Variants in CDKAL1 observed in about 807,000 individuals in gnomAD.
The protein encoded by CDKAL1 is CDKAL1 threonylcarbamoyladenosine tRNA methylthiotransferase.
A neutral mutation model predicts 68.2 loss-of-function variants in CDKAL1; 32 were observed. That is an observed-to-expected ratio of 0.47 (90% CI 0.35 to 0.63). The LOEUF (loss-of-function observed/expected upper bound fraction) is 0.63. CDKAL1 is among the 30% of genes least tolerant of loss of function. CDKAL1 has a pLI of 0.00. For missense variants in CDKAL1, 606 were observed against 696.7 expected (o/e 0.87, Z 1.47); for synonymous variants, 234 against 244.3 (o/e 0.96, Z 0.39).
intron 8 of CDKAL1, among the ~76,000 whole-genome samples, chr6:20,835,010 A>G (rs1268373985): frequency 6.6e-6 from 1 of 152,230 alleles, no homozygotes; most frequent in East Asian, 1.9e-4. Context: ...AAAAAGCCAG[A>G]CAAAAAGAGT....
chr6:20,618,433 C>G (rs958397007), intron 4 of CDKAL1, among the ~76,000 whole-genome samples: 24 of 152,156 alleles, frequency 1.6e-4, no homozygotes, highest in African/African-American at 5.3e-4. Flanking sequence ...TCCCATTTGT[C>G]AATTTTGGCT....
chr6:21,169,755 A>G (rs936781634), intron 13 of CDKAL1, among the ~76,000 whole-genome samples: 5 of 152,218 alleles, frequency 3.3e-5, no homozygotes, highest in African/African-American at 1.2e-4. Flanking sequence ...TCGACTTACA[A>G]TTCCACATGG....
At chr6:20,757,798 T>C (rs1430113922) in intron 6 of CDKAL1, among the ~76,000 whole-genome samples, 1 of 152,226 alleles carries the variant, frequency 6.6e-6, no homozygotes, top group Non-Finnish European at 1.5e-5. Flanking sequence ...AAAACAACGG[T>C]AATTTAAGGA....
At chr6:21,150,019 G>A (rs1026642535) in intron 13 of CDKAL1, among the ~76,000 whole-genome samples, 7 of 151,944 alleles carry the variant, frequency 4.6e-5, no homozygotes, top group South Asian at 2.1e-4. Flanking sequence ...CACCACACCC[G>A]GCTAATTTTT....
intron 9 of CDKAL1, among the ~76,000 whole-genome samples, chr6:20,915,567 T>C (rs1762686479): frequency 6.6e-6 from 1 of 152,198 alleles, no homozygotes; most frequent in Non-Finnish European, 1.5e-5. Flanking sequence ...GTTAATAACA[T>C]ACAAAAAATT....
intron 9 of CDKAL1, among the ~76,000 whole-genome samples, chr6:20,889,326 A>G (rs140366399): frequency 0.11 from 16,414 of 151,908 alleles, 972 homozygotes; most frequent in African/African-American, 0.14. Flanking sequence ...TAGGTTGCCT[A>G]TTCACTCTGA....
At chr6:20,807,404 G>A (rs555851320) in intron 8 of CDKAL1, among the ~76,000 whole-genome samples, 2 of 152,026 alleles carry the variant, frequency 1.3e-5, no homozygotes, top group South Asian at 4.2e-4. Context: ...TCGTATTTTT[G>A]TAGAGATGGG....
At chr6:20,686,091 T>G (rs1430171700) in intron 5 of CDKAL1, among the ~76,000 whole-genome samples, 1 of 152,140 alleles carries the variant, frequency 6.6e-6, no homozygotes, top group Non-Finnish European at 1.5e-5. Flanking sequence ...AAGGTTTTTT[T>G]TTTTTTTGCC....
intron 9 of CDKAL1, among the ~76,000 whole-genome samples, chr6:20,917,294 T>G (rs2150639629): frequency 6.6e-6 from 1 of 152,260 alleles, no homozygotes; most frequent in South Asian, 2.1e-4. Context: ...CCTTTTTTTA[T>G]TATTGTTTTG....
intron 8 of CDKAL1, among the ~76,000 whole-genome samples, chr6:20,820,200 CG>C (rs1272426377): frequency 6.6e-5 from 10 of 152,104 alleles, no homozygotes; most frequent in African/African-American, 2.4e-4. Flanking sequence ...AAGTTGCTAG[CG>C]GAAGAGGGTG....
chr6:21,006,645 CT>C (rs1366202579), intron 11 of CDKAL1, among the ~76,000 whole-genome samples: 3 of 152,046 alleles, frequency 2.0e-5, no homozygotes, highest in Admixed American at 6.6e-5. Flanking sequence ...AACATATTTA[CT>C]TTTTTTTCCT....
At chr6:20,860,779 G>A (rs1024243271) in intron 9 of CDKAL1, among the ~76,000 whole-genome samples, 2 of 151,320 alleles carry the variant, frequency 1.3e-5, no homozygotes, top group Middle Eastern at 3.2e-3. Context: ...AGATGAGATC[G>A]CACCACTGCA....
intron 13 of CDKAL1, among the ~76,000 whole-genome samples, chr6:21,124,772 T>A (rs764633516): frequency 1.9e-4 from 29 of 151,918 alleles, no homozygotes; most frequent in Non-Finnish European, 5.9e-5. Context: ...CCATTCTCAC[T>A]GGCTTCTCCC....
At chr6:20,869,326 A>T (rs1423473365) in intron 9 of CDKAL1, among the ~76,000 whole-genome samples, 1 of 152,224 alleles carries the variant, frequency 6.6e-6, no homozygotes, top group Non-Finnish European at 1.5e-5. Flanking sequence ...AAAATAGAGT[A>T]TTTGTTTGAT....
intron 5 of CDKAL1, among the ~76,000 whole-genome samples, chr6:20,692,201 G>A (rs1016710846): frequency 3.3e-5 from 5 of 152,138 alleles, no homozygotes; most frequent in African/African-American, 1.2e-4. Flanking sequence ...AAAGTCAAGG[G>A]CAATTCTCAC....
Position 20,758,633 on chromosome 6 carries a change from G to C in CDKAL1, c.507G>C (p.Glu169Asp). ...QIDRVVEVVE[E>D]TIKGHSVRLL... ...ATCGTGTGGTAGAAGTTGTGGAGGA[G>C]ACAATTAAAGGTAATCGTTGAAAGT... is the stretch of plus-strand genomic sequence containing the variant. The change falls in exon 7 of 16, where the codon GAG becomes GAC. Residue 169 changes from glutamate (E) to aspartate (D), a missense_variant. By Grantham distance (45) the Glu-to-Asp change is conservative (BLOSUM62 2). Transcript: ENST00000274695. The C allele has an allele frequency of 6.2e-7, 1 of 1,608,460 alleles. No individual in the cohort carries two copies. Among genetic ancestry groups the C allele is most frequent in the East Asian group, 2.2e-5 (1 of 44,762 alleles).
rs150679249 is a variant in CDKAL1 at position 20,649,850 on chromosome 6, C to T, written c.371+473C>T. On this transcript the variant is annotated intron_variant, in intron 5 of 15. Coordinates refer to ENST00000274695, the MANE Select transcript of CDKAL1 (RefSeq NM_017774.3). ...TTTCTGTTCCTGTATTAGTTTGGTG[C>T]GGATGACGGCTTCCAGCTCCATCTG... Among the ~76,000 whole-genome samples, 669 of 152,214 alleles carry T rather than the reference C, an allele frequency of 4.4e-3. 3 individuals carry two copies. Among genetic ancestry groups the T allele is most frequent in the African/African-American group, 0.015 (625 of 41,540 alleles).
In CDKAL1 at chr6:20,617,126, A is replaced by C. The variant is rs192201790; in HGVS notation, c.287-32167A>C. Among the ~76,000 whole-genome samples, 434 of 151,772 alleles carry C rather than the reference A, an allele frequency of 2.9e-3. 7 individuals carry two copies. The highest frequency in any genetic ancestry group is 0.026 in the Admixed American group (395 of 15,232). ...AGTTGATGTCTGTGCTTTTACTGGT[A>C]CTCAGTTGCTGAAGGTGGTATCATA... On this transcript the variant is annotated intron_variant, in intron 4 of 15. Coordinates refer to ENST00000274695, the MANE Select transcript of CDKAL1 (RefSeq NM_017774.3).
chr6:21,146,577 G>A (rs946462049), intron 13 of CDKAL1, among the ~76,000 whole-genome samples: 2 of 152,236 alleles, frequency 1.3e-5, no homozygotes, highest in African/African-American at 2.4e-5. Flanking sequence ...TTGGCCCGGC[G>A]TGGTGGCTCA....
Sources: gnomAD v4.1 joint callset for allele counts (sites outside exome capture counted in the v4.1 genomes callset) on GRCh38, gnomAD v4.1.1 for gene constraint, MANE v1.5 for transcripts, NCBI Gene and HGNC (gene_info 2026-07-23, HGNC 2026-07-21) for gene names.